The following C10orf67 variants were observed in gnomAD, a reference collection of about 807,000 sequenced individuals.
The protein encoded by C10orf67 is chromosome 10 open reading frame 67, also known as uncharacterized protein C10orf67, mitochondrial.
C10orf67 carries 60 observed loss-of-function variants against 35.6 expected under a neutral mutation model. The observed-to-expected ratio is 1.68, with a 90% CI of 1.37 to 2.09. C10orf67 has a LOEUF of 2.09. C10orf67 is among the 30% of genes most tolerant of loss of function. C10orf67 has a pLI of 0.00. For synonymous variants in C10orf67, 167 were observed against 115.8 expected, an observed-to-expected ratio of 1.44 and a Z score of -2.84; for missense variants, 474 against 330.2, an observed-to-expected ratio of 1.44 and a Z score of -3.38.
chr10:23,279,502 G>C (rs183640686), intron 8 of C10orf67, among the ~76,000 whole-genome samples: 12 of 152,368 alleles, frequency 7.9e-5, no homozygotes, highest in Non-Finnish European at 1.0e-4. Context: ...GTAACTCAGT[G>C]CTGTGCCCCC....
At chr10:23,341,260 T>G (rs1012179571) in intron 1 of C10orf67, among the ~76,000 whole-genome samples, 7 of 152,206 alleles carry the variant, frequency 4.6e-5, no homozygotes, top group African/African-American at 1.7e-4. Flanking sequence ...AACTACCTAC[T>G]TAACAGCCTA....
At chr10:23,220,457 G>A (rs1184354307) in intron 15 of C10orf67, among the ~76,000 whole-genome samples, 1 of 152,178 alleles carries the variant, frequency 6.6e-6, no homozygotes, top group Non-Finnish European at 1.5e-5. Context: ...AGTCACCTGA[G>A]CTTGAAAGCT....
chr10:23,314,166 A>C (rs999461656), intron 4 of C10orf67, among the ~76,000 whole-genome samples: 1 of 150,330 alleles, frequency 6.7e-6, no homozygotes, highest in Admixed American at 6.6e-5. Flanking sequence ...CCAGCCTGGG[A>C]GACAGAGCAA....
intron 2 of C10orf67, among the ~76,000 whole-genome samples, chr10:23,328,993 C>CAAAAAAAAAAAAAAAAAAAAAGAAGAAAA (rs57772405): frequency 1.3e-5 from 1 of 78,732 alleles, no homozygotes; most frequent in African/African-American, 4.9e-5. Context: ...CATAAACGAA[C>CAAAAAAAAAAAAAAAAAAAAAGAAGAAAA]AAAAAAAAAA....
At chr10:23,292,344 AG>A (rs1222478987) in intron 5 of C10orf67, among the ~76,000 whole-genome samples, 3 of 152,042 alleles carry the variant, frequency 2.0e-5, no homozygotes, top group African/African-American at 7.2e-5. Context: ...GATATTAAAC[AG>A]ATTATGCAAT....
chr10:23,214,013 C>T (rs1291288120), intron 15 of C10orf67, among the ~76,000 whole-genome samples: 1 of 150,362 alleles, frequency 6.7e-6, no homozygotes, highest in Admixed American at 6.6e-5. Context: ...AGATACAATG[C>T]AAATACTACT....
chr10:23,204,978 C>A (rs533498085), intron 15 of C10orf67, among the ~76,000 whole-genome samples: 1 of 152,282 alleles, frequency 6.6e-6, no homozygotes, highest in African/African-American at 2.4e-5. Context: ...AGCATTGCAG[C>A]CTGCGGTCAC....
chr10:23,316,342 A>G (rs1377417668), intron 4 of C10orf67, among the ~76,000 whole-genome samples: 1 of 152,220 alleles, frequency 6.6e-6, no homozygotes, highest in Non-Finnish European at 1.5e-5. Context: ...GGCACCTGGA[A>G]GCTTGGAGAC....
rs530932974 is a variant in C10orf67 at position 23,226,088 on chromosome 10, C to A, written c.1435-2270G>T. ...TGAACTCAGCTCTGCACCAAGCAGACCTAATAGACATCTACAGAACTCTCC... is the reference window on the plus strand; with the variant it reads ...TGAACTCAGCTCTGCACCAAGCAGAACTAATAGACATCTACAGAACTCTCC... On this transcript the variant is annotated intron_variant, in intron 13 of 15. Transcript: ENST00000636213. Among the ~76,000 whole-genome samples the A allele has an allele frequency of 7.9e-4, 121 of 152,282 alleles. 2 individuals are homozygous for A. The highest frequency in any genetic ancestry group is 3.1e-3 in the Admixed American group (48 of 15,292).
At chr10:23,252,677 A>G (rs902698628) in intron 10 of C10orf67, among the ~76,000 whole-genome samples, 1 of 152,370 alleles carries the variant, frequency 6.6e-6, no homozygotes, top group East Asian at 1.9e-4. Context: ...GAATGATTCT[A>G]TTCACTAAGA....
chr10:23,325,546 A>AAC (rs1554816917), intron 2 of C10orf67, among the ~76,000 whole-genome samples: 2,980 of 143,032 alleles, frequency 0.021, 43 homozygotes, highest in Middle Eastern at 0.074. Flanking sequence ...AAAAAAAAAA[A>AAC]CAAAAAACAA....
chr10:23,329,797 C>CAAAA (rs398013008), intron 2 of C10orf67, among the ~76,000 whole-genome samples: 2,862 of 47,954 alleles, frequency 0.06, 316 homozygotes, highest in East Asian at 0.54. Flanking sequence ...GAACTTGTCT[C>CAAAA]AAAAAAAAAA....
chr10:23,249,651 T>G lies in C10orf67; in HGVS notation c.1346+804A>C, dbSNP rs2132156352. Among the ~76,000 whole-genome samples, 2 of 152,348 alleles carry G rather than the reference T, an allele frequency of 1.3e-5. 1 individual carries two copies. The highest frequency in any genetic ancestry group is 4.1e-4 in the South Asian group (2 of 4,828). ...AATTTTATACAGACAAGATCCATAG[T>G]GTGTGTTTAAGAAATACAGTGCAAA... On this transcript the variant is annotated intron_variant, in intron 12 of 15. Transcript: ENST00000636213.
chr10:23,294,715 G>C (rs1345572460), intron 5 of C10orf67, among the ~76,000 whole-genome samples: 1 of 151,796 alleles, frequency 6.6e-6, no homozygotes, highest in Admixed American at 6.6e-5. Context: ...AATAAAACTT[G>C]TTTATTTCAC....
chr10:23,301,439 C>G (rs532646243), intron 5 of C10orf67, among the ~76,000 whole-genome samples: 121 of 152,326 alleles, frequency 7.9e-4, no homozygotes, highest in African/African-American at 2.9e-3. Context: ...CGGTATTTTC[C>G]TCCAATTCTA....
At chr10:23,295,671 G>A (rs1392475466) in intron 5 of C10orf67, among the ~76,000 whole-genome samples, 2 of 152,142 alleles carry the variant, frequency 1.3e-5, no homozygotes, top group Non-Finnish European at 2.9e-5. Context: ...TACACTGGAT[G>A]TCTTTGGCCA....
intron 13 of C10orf67, among the ~76,000 whole-genome samples, chr10:23,232,315 G>GC (rs1841934365): frequency 1.3e-5 from 2 of 152,100 alleles, no homozygotes; most frequent in Admixed American, 6.5e-5. Context: ...ATTAAGAATG[G>GC]GGAACCTTAC....
intron 1 of C10orf67, 140 bp downstream of exon 1, chr10:23,344,429 C>T: frequency 2.3e-6 from 2 of 854,090 alleles, no homozygotes; most frequent in Non-Finnish European, 3.6e-6. Context: ...TCAAGGCTTC[C>T]CCACAAGACT....
chr10:23,243,116 A>G (rs1842224735), intron 12 of C10orf67, among the ~76,000 whole-genome samples: 1 of 152,236 alleles, frequency 6.6e-6, no homozygotes. Context: ...AAAGCATTTC[A>G]TAATGATAGA....
Sources: gnomAD v4.1 joint callset for allele counts (sites outside exome capture counted in the v4.1 genomes callset) on GRCh38, gnomAD v4.1.1 for gene constraint, MANE v1.5 for transcripts, NCBI Gene and HGNC (gene_info 2026-07-23, HGNC 2026-07-21) for gene names.